PLXNB2: variants seen among roughly 807,000 people sequenced by gnomAD.
PLXNB2 encodes the protein plexin-B2.
Under a neutral mutation model 202.6 loss-of-function variants are expected in PLXNB2, and 85 were observed. The ratio of observed to expected loss-of-function variants is 0.42; its 90% CI spans 0.35 to 0.50. The LOEUF is 0.50. PLXNB2 is among the 20% of genes least tolerant of loss of function. The pLI, the probability that PLXNB2 is intolerant of heterozygous loss-of-function variation, is 0.02. For missense variants in PLXNB2, 2,063 were observed against 2,586.2 expected, an observed-to-expected ratio of 0.80 and a Z score of 4.39; for synonymous variants, 1,239 against 1,137.6, an observed-to-expected ratio of 1.09 and a Z score of -1.79.
In PLXNB2 at chr22:50,289,098, G is replaced by A; in HGVS notation, c.1113C>T (p.Tyr371=). 6.3e-7 allele frequency: 1 copy of A among 1,593,074 alleles called. No individual in the cohort carries two copies. ...SFPCGSEHLP[Y]PLGSRDGLRG... is the part of the protein sequence containing the mutation. The stretch of plus-strand genomic sequence containing the variant: ...TGAGCCCGTCGCGGCTGCCCAGCGG[G>A]TAGGGCAGGTGCTCCGAGCCACATG... Residue 371 remains tyrosine (Y), a synonymous_variant, in exon 4 of 37, where the codon TAC becomes TAT. Transcript: ENST00000359337. The surrounding 1 kb of genome is among the most constrained non-coding windows in gnomAD (Gnocchi z 8.0).
chr22:50,290,734 C>A, intron 2 of PLXNB2, 137 bp from the exon 3 acceptor site: 1 of 940,196 alleles, frequency 1.1e-6, no homozygotes. Flanking sequence ...CCTGGAGCTC[C>A]GCCCCTTCCT....
chr22:50,290,725 C>T (rs2066809347), intron 2 of PLXNB2, 128 bp from the exon 3 acceptor site: 9 of 1,021,572 alleles, frequency 8.8e-6, no homozygotes, highest in Non-Finnish European at 1.1e-5. Flanking sequence ...ACTGAGGAAC[C>T]TGGAGCTCCG....
chr22:50,285,942 G>A lies in PLXNB2; in HGVS notation c.1987-41C>T, dbSNP rs566563541. ...TGGTCAGGTGCTGCCTGGGCACAGC[G>A]GAGCAGCCATGCCCTGAACAGTCCC... On this transcript the variant is annotated intron_variant, in intron 10 of 36. Coordinates refer to ENST00000359337, the MANE Select transcript of PLXNB2 (RefSeq NM_012401.4). 3.5e-4 allele frequency: 561 copies of A among 1,600,998 alleles called. 8 individuals are homozygous for A. In the South Asian group the frequency reaches 5.7e-3, roughly 16 times the overall value.
chr22:50,280,272 A>G (rs747443675), intron 25 of PLXNB2, among the ~76,000 whole-genome samples: 10 of 152,240 alleles, frequency 6.6e-5, no homozygotes, highest in Admixed American at 1.3e-4. Context: ...GAGGGCTGAC[A>G]CTGTGACCAG....
chr22:50,280,373 G>T, intron 25 of PLXNB2, 116 bp downstream of exon 25: 1 of 991,348 alleles, frequency 1.0e-6, no homozygotes, highest in Non-Finnish European at 1.4e-6. Context: ...ACCAGCGCTG[G>T]CTGGCACCTG....
intron 1 of PLXNB2, among the ~76,000 whole-genome samples, chr22:50,296,469 G>A (rs947559787): frequency 5.3e-5 from 8 of 151,366 alleles, no homozygotes; most frequent in Admixed American, 2.6e-4. Flanking sequence ...AGCCAGGCAC[G>A]GTGGCTCACG....
rs2065448439 is a variant in PLXNB2 at position 50,275,067 on chromosome 22, C to CG, written c.*636dup. 5.1e-6 allele frequency: 1 copy of CG among 196,342 alleles called. No homozygotes were observed. Among genetic ancestry groups the CG allele is most frequent in the East Asian group, 1.7e-4 (1 of 5,970 alleles). 12.2% of individuals were successfully genotyped at this position (196,342 alleles called of 1,614,324 possible). ...GTCTTGGAACTGCTCCCAGTCCCCC[C>CG]GGACTGGGTGGGGCTCTAGGGCAGC... On this transcript the variant is annotated 3_prime_UTR_variant, in exon 37 of 37. Coordinates refer to ENST00000359337, the MANE Select transcript of PLXNB2 (RefSeq NM_012401.4).
Position 50,286,010 on chromosome 22 carries a change from C to T in PLXNB2, c.1966G>A (p.Gly656Ser), listed in dbSNP as rs1176657220. The change falls in exon 10 of 37, where the codon GGC (glycine) becomes AGC (serine). Residue 656 changes from glycine to serine, a missense_variant. By Grantham distance (56) the Gly-to-Ser change is moderately conservative (BLOSUM62 0). Around this residue, in one of 2 missense-constraint regions of PLXNB2, gnomAD observed 1,303 missense variants for 1,476.8 expected, o/e 0.88. Transcript: ENST00000359337. ...CREASPNPED[G>S]IVRAHMEDSC... ...CTCACCATGTGGGCACGGACGATGCCGTCCTCAGGGTTGGGCGAAGCCTCC... is the reference window on the plus strand; with the variant it reads ...CTCACCATGTGGGCACGGACGATGCTGTCCTCAGGGTTGGGCGAAGCCTCC... The T allele has an allele frequency of 6.8e-6, 11 of 1,612,454 alleles. No individual in the cohort carries two copies. The highest frequency in any genetic ancestry group is 5.0e-5 in the Admixed American group (3 of 60,020).
Position 50,281,878 on chromosome 22 carries a change from C to T in PLXNB2, c.3321G>A (p.Gln1107=), listed in dbSNP as rs1569161973. ...FENFTGGVKK[Q]VNKLIHARGT... Reference sequence around the variant, plus strand: ...CCCGGGCGTGGATGAGCTTGTTGACCTGCTTCTTGACGCCACCTGTGAAGT... The same window carrying T: ...CCCGGGCGTGGATGAGCTTGTTGACTTGCTTCTTGACGCCACCTGTGAAGT... The change falls in exon 20 of 37, where the codon CAG becomes CAA. Residue 1107 remains glutamine (Q), a synonymous_variant. Coordinates refer to ENST00000359337, the MANE Select transcript of PLXNB2 (RefSeq NM_012401.4). 1.2e-6 allele frequency: 2 copies of T among 1,612,898 alleles called. No individual in the cohort carries two copies. The highest frequency in any genetic ancestry group is 1.7e-6 in the Non-Finnish European group (2 of 1,179,964).
chr22:50,286,754 G>A (rs1317901101), intron 8 of PLXNB2, among the ~76,000 whole-genome samples: 1 of 152,192 alleles, frequency 6.6e-6, no homozygotes, highest in Admixed American at 6.5e-5. Context: ...CTCTGGGAAC[G>A]GCCCTGCTCT....
chr22:50,281,437 G>A lies in PLXNB2; in HGVS notation c.3585C>T (p.Asp1195=), dbSNP rs760289479. 1.2e-5 allele frequency: 19 copies of A among 1,612,300 alleles called. No homozygotes were observed. The highest frequency in any genetic ancestry group is 1.6e-4 in the Middle Eastern group (1 of 6,084). Residue 1195 remains aspartate, a synonymous_variant, in exon 22 of 37, where the codon GAC becomes GAT. Transcript: ENST00000359337. The part of the protein sequence containing the change: ...GRVEYDTRVS[D]VPLSLILPLV... ...GCGGCAAGATGAGGCTGAGCGGCAC[G>A]TCGCTCACCCGTGTGTCGTACTCCA...
Position 50,290,503 on chromosome 22 carries a change from A to T in PLXNB2, c.82T>A (p.Phe28Ile). 1 of 1,612,778 alleles carries T rather than the reference A, an allele frequency of 6.2e-7. No individual in the cohort carries two copies. The highest frequency in any genetic ancestry group is 8.5e-7 in the Non-Finnish European group (1 of 1,179,986). Residue 28 changes from phenylalanine (F) to isoleucine (I), a missense_variant, in exon 3 of 37, where the codon TTC (phenylalanine) becomes ATC (isoleucine). This residue lies in a region of PLXNB2 where 1,303 missense variants were observed against 1,476.8 expected (regional missense o/e 0.88). Coordinates refer to ENST00000359337, the MANE Select transcript of PLXNB2 (RefSeq NM_012401.4). ...ASLRPRKLDF[F>I]RSEKELNHLA... ...TGGTTCAGCTCTTTCTCGCTGCGGAAGAAGTCCAGCTTGCGGGGCCTCAGG... is the reference window on the plus strand; with the variant it reads ...TGGTTCAGCTCTTTCTCGCTGCGGATGAAGTCCAGCTTGCGGGGCCTCAGG...
chr22:50,276,808 A>G (rs536849366), intron 34 of PLXNB2, 34 bp downstream of exon 34: 3 of 1,600,300 alleles, frequency 1.9e-6, no homozygotes, highest in Non-Finnish European at 2.6e-6. Context: ...GAGGGTGGGC[A>G]TGGGGGCCTG....
chr22:50,307,146 C>A (rs1013370091), intron 1 of PLXNB2, among the ~76,000 whole-genome samples: 1 of 152,184 alleles, frequency 6.6e-6, no homozygotes, highest in Non-Finnish European at 1.5e-5. Context: ...CGGGGACGGC[C>A]CCCGGGAGCT....
Position 50,284,248 on chromosome 22 carries a change from C to T in PLXNB2, c.2182-35G>A, listed in dbSNP as rs753783981. 10 of 1,596,430 alleles carry T rather than the reference C, an allele frequency of 6.3e-6. No homozygotes were observed. Among genetic ancestry groups the T allele is most frequent in the Non-Finnish European group, 7.7e-6 (9 of 1,165,458 alleles). Reference sequence around the variant, plus strand: ...ACGCAGGGGCACACTGCACTTCCTGCCCCCACAGAGGGGCGTGGGGCGGGG... The same window carrying T: ...ACGCAGGGGCACACTGCACTTCCTGTCCCCACAGAGGGGCGTGGGGCGGGG... On this transcript the variant is annotated intron_variant, in intron 12 of 36. Transcript: ENST00000359337. The surrounding 1 kb of genome is among the most constrained non-coding windows in gnomAD (Gnocchi z 8.0).
intron 1 of PLXNB2, among the ~76,000 whole-genome samples, chr22:50,306,254 G>GC (rs1222239469): frequency 1.3e-5 from 2 of 152,168 alleles, no homozygotes; most frequent in East Asian, 1.9e-4. Flanking sequence ...ACAGAGGTGG[G>GC]CCCCCCATAG....
chr22:50,300,300 C>T, intron 1 of PLXNB2: 19 of 985,368 alleles, frequency 1.9e-5, no homozygotes, highest in Non-Finnish European at 2.3e-5. Context: ...CATCGGATCG[C>T]ACAGCCGGCC....
At chr22:50,303,176 G>T (rs1340548586) in intron 1 of PLXNB2, among the ~76,000 whole-genome samples, 1 of 152,014 alleles carries the variant, frequency 6.6e-6, no homozygotes, top group Non-Finnish European at 1.5e-5. Context: ...ACTCACCTAG[G>T]TTCAAAGCCA....
Position 50,284,002 on chromosome 22 carries a change from G to A in PLXNB2, c.2264-12C>T, listed in dbSNP as rs1257192944. 1 of 1,534,276 alleles carries A rather than the reference G, an allele frequency of 6.5e-7. No homozygotes were observed. The highest frequency in any genetic ancestry group is 1.4e-5 in the African/African-American group (1 of 73,108). Reference sequence around the variant, plus strand: ...GTTGTAGAGGGTCACTGCGGGGAGAGCTGCCGTCAGTGGTCACCCCGTGCC... The same window carrying A: ...GTTGTAGAGGGTCACTGCGGGGAGAACTGCCGTCAGTGGTCACCCCGTGCC... On this transcript the variant is annotated splice_polypyrimidine_tract_variant and intron_variant, in intron 13 of 36. Coordinates refer to ENST00000359337, the MANE Select transcript of PLXNB2 (RefSeq NM_012401.4). The surrounding 1 kb of genome is among the most constrained non-coding windows in gnomAD (Gnocchi z 8.0).
Sources: allele counts gnomAD v4.1 joint callset (sites outside exome capture counted in the v4.1 genomes callset), GRCh38; gene constraint gnomAD v4.1.1; regional missense constraint gnomAD v4.1.1; non-coding constraint Gnocchi (gnomAD v3.1); transcripts MANE v1.5; gene names NCBI Gene and HGNC (gene_info 2026-07-23, HGNC 2026-07-21).